Variants in ELOVL5 observed in about 807,000 individuals in gnomAD.
ELOVL5 encodes ELOVL fatty acid elongase 5.
In ELOVL5, 8 loss-of-function variants were observed where a neutral mutation model predicts 38.6. The observed-to-expected ratio is 0.21, with a 90% CI of 0.12 to 0.37. The LOEUF is 0.37. Ranked by LOEUF, ELOVL5 falls within the 10% of genes least tolerant of loss-of-function variation. ELOVL5 has a pLI of 1.00. For synonymous variants in ELOVL5, 127 were observed against 133.7 expected (o/e 0.95, Z 0.34); for missense variants, 280 against 367.8 (o/e 0.76, Z 1.95).
intron 3 of ELOVL5, among the ~76,000 whole-genome samples, chr6:53,291,009 G>A (rs774979958): frequency 4.1e-4 from 62 of 152,072 alleles, no homozygotes; most frequent in Non-Finnish European, 6.6e-4. Context: ...AATGAAAAGT[G>A]GGTAGGCTTT....
At chr6:53,309,139 A>G (rs571208629) in intron 1 of ELOVL5, among the ~76,000 whole-genome samples, 1 of 152,288 alleles carries the variant, frequency 6.6e-6, no homozygotes, top group African/African-American at 2.4e-5. Context: ...TACTACCAGG[A>G]GTCAACAGTG....
chr6:53,292,957 T>C lies in ELOVL5; in HGVS notation c.59-994A>G, dbSNP rs548164244. 2.6e-4 allele frequency among the ~76,000 whole-genome samples: 39 copies of C among 152,276 alleles called. 1 individual carries two copies. The East Asian group carries it at 6.6e-3, about 26-fold the overall frequency. On this transcript the variant is annotated intron_variant, in intron 2 of 7. Transcript: ENST00000304434. Reference sequence around the variant, plus strand: ...GTATAGGAAGGGCCTCTCCTGCCCCTATTCCTTTTCTTAGGCAGGGAGGAG... The same window carrying C: ...GTATAGGAAGGGCCTCTCCTGCCCCCATTCCTTTTCTTAGGCAGGGAGGAG...
At chr6:53,336,628 C>T (rs1769085533) in intron 1 of ELOVL5, among the ~76,000 whole-genome samples, 1 of 152,182 alleles carries the variant, frequency 6.6e-6, no homozygotes, top group African/African-American at 2.4e-5. Context: ...TGCCACTGCA[C>T]TCCATCCTGG....
intron 1 of ELOVL5, among the ~76,000 whole-genome samples, chr6:53,300,437 G>A (rs1005533566): frequency 4.0e-5 from 6 of 151,546 alleles, no homozygotes; most frequent in Non-Finnish European, 5.9e-5. Flanking sequence ...AGAAACACAC[G>A]TACAATACGA....
chr6:53,308,199 A>G (rs1368583808), intron 1 of ELOVL5, among the ~76,000 whole-genome samples: 1 of 152,202 alleles, frequency 6.6e-6, no homozygotes, highest in Non-Finnish European at 1.5e-5. Flanking sequence ...TGGGAAGTAA[A>G]GGGGCAGCAA....
At chr6:53,283,327 G>A (rs1164889246) in intron 3 of ELOVL5, among the ~76,000 whole-genome samples, 2 of 151,942 alleles carry the variant, frequency 1.3e-5, no homozygotes, top group Non-Finnish European at 2.9e-5. Context: ...TACCTGAGAT[G>A]ACCCCCAACA....
chr6:53,342,976 C>T (rs1241596050), intron 1 of ELOVL5, among the ~76,000 whole-genome samples: 1 of 152,132 alleles, frequency 6.6e-6, no homozygotes, highest in Non-Finnish European at 1.5e-5. Context: ...AAAAATGTTA[C>T]CATGGAGCAA....
At chr6:53,330,541 T>A (rs896392805) in intron 1 of ELOVL5, among the ~76,000 whole-genome samples, 10 of 146,652 alleles carry the variant, frequency 6.8e-5, no homozygotes, top group African/African-American at 1.0e-4. Flanking sequence ...TTTTTTTTTT[T>A]AGGGACAGAG....
At chr6:53,273,127 G>C (rs1765984722) in intron 6 of ELOVL5, 93 bp downstream of exon 6, 1 of 1,309,882 alleles carries the variant, frequency 7.6e-7, no homozygotes, top group Admixed American at 2.2e-5. Flanking sequence ...GTGGAGAAGG[G>C]GCATCTTAGA....
chr6:53,336,828 A>G (rs2127593467), intron 1 of ELOVL5: 1 of 152,292 alleles, frequency 6.6e-6, no homozygotes, highest in East Asian at 1.9e-4. Flanking sequence ...ATAACAGCAC[A>G]TGTCATCTCT....
chr6:53,306,010 C>A (rs978638393), intron 1 of ELOVL5, among the ~76,000 whole-genome samples: 1 of 151,444 alleles, frequency 6.6e-6, no homozygotes, highest in Non-Finnish European at 1.5e-5. Flanking sequence ...GAGACCAGCC[C>A]GGCCAACACA....
At chr6:53,312,684 G>C (rs9395857) in intron 1 of ELOVL5, among the ~76,000 whole-genome samples, 55,208 of 151,990 alleles carry the variant, frequency 0.36, 11,133 homozygotes, top group African/African-American at 0.55. Flanking sequence ...TGGGATCTCT[G>C]TATTATTTCT....
chr6:53,345,048 T>C (rs957691709), intron 1 of ELOVL5, among the ~76,000 whole-genome samples: 2 of 152,188 alleles, frequency 1.3e-5, no homozygotes, highest in African/African-American at 4.8e-5. Flanking sequence ...TTAACTTCAC[T>C]TCCCTGGTTC....
chr6:53,321,676 A>G (rs1477872481), intron 1 of ELOVL5, among the ~76,000 whole-genome samples: 1 of 152,234 alleles, frequency 6.6e-6, no homozygotes, highest in Non-Finnish European at 1.5e-5. Flanking sequence ...GGACAATCTC[A>G]TGAAGAAAAA....
At position 53,267,891 on chromosome 6, in the gene ELOVL5, T is replaced by C. The variant is rs1765795076; in HGVS notation, c.*1236A>G. 1 of 152,230 alleles carries C rather than the reference T, an allele frequency of 6.6e-6. No individual in the cohort carries two copies. Among genetic ancestry groups the C allele is most frequent in the Non-Finnish European group, 1.5e-5 (1 of 68,038 alleles). 9.4% of individuals were successfully genotyped at this position (152,230 alleles called of 1,614,324 possible). On this transcript the variant is annotated 3_prime_UTR_variant, in exon 8 of 8. Transcript: ENST00000304434. Reference sequence around the variant, plus strand: ...ACCTGTTTGACCACTGCCTCAAATGTGTGAGATGTGATTTTATGATAAGCA... The same window carrying C: ...ACCTGTTTGACCACTGCCTCAAATGCGTGAGATGTGATTTTATGATAAGCA...
intron 6 of ELOVL5, among the ~76,000 whole-genome samples, chr6:53,271,816 T>C (rs567827836): frequency 1.3e-5 from 2 of 152,126 alleles, no homozygotes; most frequent in Non-Finnish European, 2.9e-5. Context: ...CTAGGAGTGG[T>C]GCTTAAAATA....
chr6:53,271,566 C>G (rs371159756), intron 6 of ELOVL5, among the ~76,000 whole-genome samples: 13 of 151,314 alleles, frequency 8.6e-5, no homozygotes, highest in African/African-American at 1.5e-4. Flanking sequence ...GCCCCTCCCC[C>G]CAAAAAAAGG....
chr6:53,286,215 T>C (rs974450736), intron 3 of ELOVL5, among the ~76,000 whole-genome samples: 12 of 152,178 alleles, frequency 7.9e-5, no homozygotes, highest in African/African-American at 2.7e-4. Flanking sequence ...CATATTTGCA[T>C]AAGGAGATAT....
At position 53,293,379 on chromosome 6, in the gene ELOVL5, G is replaced by A. The variant is rs553372510; in HGVS notation, c.59-1416C>T. Among the ~76,000 whole-genome samples the A allele has an allele frequency of 2.2e-4, 33 of 152,180 alleles. No homozygotes were observed. The South Asian group carries it at 5.8e-3, about 27-fold the overall frequency. On this transcript the variant is annotated intron_variant, in intron 2 of 7. Coordinates refer to ENST00000304434, the MANE Select transcript of ELOVL5 (RefSeq NM_021814.5). ...GTCGCCCAGGCTGAAGTGCAGTGGC[G>A]TGATCTCAGCTCACTGCAACCTCTG...
Sources: allele counts gnomAD v4.1 joint callset (sites outside exome capture counted in the v4.1 genomes callset), GRCh38; gene constraint gnomAD v4.1.1; transcripts MANE v1.5; gene names NCBI Gene and HGNC (gene_info 2026-07-23, HGNC 2026-07-21).